The following CAMTA1 variants were observed in gnomAD, a reference collection of about 807,000 sequenced individuals.
CAMTA1 encodes the protein calmodulin-binding transcription activator 1.
Under a neutral mutation model 170.9 loss-of-function variants are expected in CAMTA1, and 27 were observed. The observed-to-expected ratio is 0.16, with a 90% CI of 0.12 to 0.22. The LOEUF (loss-of-function observed/expected upper bound fraction) is 0.22. Among genes scored for constraint, CAMTA1 ranks in the 10% least tolerant of loss-of-function variants. The pLI is 1.00. For synonymous variants in CAMTA1, 833 were observed against 891.5 expected, an observed-to-expected ratio of 0.93 and a Z score of 1.17; for missense variants, 1,619 against 2,217.2, an observed-to-expected ratio of 0.73 and a Z score of 5.42.
chr1:7,558,303 C>T (rs552480591), intron 6 of CAMTA1, among the ~76,000 whole-genome samples: 1 of 152,292 alleles, frequency 6.6e-6, no homozygotes, highest in South Asian at 2.1e-4. Context: ...CATGCTGCGG[C>T]GTCCCCCAGG....
chr1:6,873,722 T>G (rs1229829297), intron 3 of CAMTA1, among the ~76,000 whole-genome samples: 1 of 152,260 alleles, frequency 6.6e-6, no homozygotes, highest in South Asian at 2.1e-4. Context: ...TAAGATAACC[T>G]CATTTTTCTA....
Position 7,296,811 on chromosome 1 carries a change from C to T in CAMTA1, c.438+47185C>T, listed in dbSNP as rs184427490. ...TTTTGTAGTCATTAATCACGGATGA[C>T]CACCGAGAGAAAGAGTATAAAGGAG... On this transcript the variant is annotated intron_variant, in intron 5 of 22. Coordinates refer to ENST00000303635, the MANE Select transcript of CAMTA1 (RefSeq NM_015215.4). Among the ~76,000 whole-genome samples the T allele has an allele frequency of 1.7e-4, 26 of 152,130 alleles. 1 individual carries two copies. The East Asian group carries it at 4.8e-3, about 28-fold the overall frequency.
rs1007831042 is a variant in CAMTA1, at chr1:7,682,030, GCTTAGA to G, written c.2914+4306_2914+4311del. Among the ~76,000 whole-genome samples, 3 of 139,966 alleles carry G rather than the reference GCTTAGA, an allele frequency of 2.1e-5. No individual in the cohort carries two copies. The highest frequency in any genetic ancestry group is 8.1e-5 in the African/African-American group (3 of 36,878). 91.8% of individuals were successfully genotyped at this position (139,966 alleles called of 152,430 possible). On this transcript the variant is annotated intron_variant, in intron 11 of 22. Coordinates refer to ENST00000303635, the MANE Select transcript of CAMTA1 (RefSeq NM_015215.4). The surrounding 1 kb of genome is among the most constrained non-coding windows in gnomAD (Gnocchi z 5.0). ...GCCCTTCTTGGAACCCCACTAAGCC[GCTTAGA>G]CTTAGACTCTATTTTCAGTGCTTCT...
At chr1:7,045,355 C>T (rs567700802) in intron 3 of CAMTA1, among the ~76,000 whole-genome samples, 1 of 152,282 alleles carries the variant, frequency 6.6e-6, no homozygotes, top group East Asian at 1.9e-4. Flanking sequence ...CTGGCCCCCT[C>T]CTGCTGTAGT....
At chr1:7,558,539 G>C (rs985168474) in intron 6 of CAMTA1, among the ~76,000 whole-genome samples, 2 of 152,262 alleles carry the variant, frequency 1.3e-5, no homozygotes, top group Admixed American at 1.3e-4. Context: ...ACCCACTGTT[G>C]TTCCTTCCAA....
At chr1:6,911,468 C>T (rs2149271579) in intron 3 of CAMTA1, among the ~76,000 whole-genome samples, 1 of 152,370 alleles carries the variant, frequency 6.6e-6, no homozygotes, top group East Asian at 1.9e-4. Context: ...AACAAAGGCC[C>T]TGTGCAGTGT....
In CAMTA1 at chr1:7,509,942, C is replaced by T. The variant is rs2094178101; in HGVS notation, c.510+42041C>T. On this transcript the variant is annotated intron_variant, in intron 6 of 22. Coordinates refer to ENST00000303635, the MANE Select transcript of CAMTA1 (RefSeq NM_015215.4). Reference sequence around the variant, plus strand: ...CAGCCCAGCGACCAAGGGGGAAAAGCTACCCTGACTCTCAGTGACCACAAC... The same window carrying T: ...CAGCCCAGCGACCAAGGGGGAAAAGTTACCCTGACTCTCAGTGACCACAAC... 2.0e-5 allele frequency among the ~76,000 whole-genome samples: 3 copies of T among 151,670 alleles called. No individual in the cohort carries two copies. The South Asian group carries it at 6.3e-4, about 32-fold the overall frequency.
intron 1 of CAMTA1, among the ~76,000 whole-genome samples, chr1:6,791,784 A>C (rs1028396092): frequency 2.0e-5 from 3 of 152,094 alleles, no homozygotes; most frequent in African/African-American, 7.2e-5. Flanking sequence ...TTGAATACCT[A>C]ATCAGGTTCG....
chr1:7,591,493 T>C (rs1224181938), intron 6 of CAMTA1, among the ~76,000 whole-genome samples: 2 of 152,246 alleles, frequency 1.3e-5, no homozygotes, highest in African/African-American at 4.8e-5. Context: ...CTTTGCACAC[T>C]GCTCCAAGGC....
At chr1:6,939,223 A>AC (rs1685993781) in intron 3 of CAMTA1, among the ~76,000 whole-genome samples, 1 of 152,212 alleles carries the variant, frequency 6.6e-6, no homozygotes, top group Admixed American at 6.5e-5. Flanking sequence ...CAGCAGGGGA[A>AC]CTGCGGGCAA....
At chr1:7,105,347 C>G (rs929581442) in intron 4 of CAMTA1, among the ~76,000 whole-genome samples, 1 of 152,202 alleles carries the variant, frequency 6.6e-6, no homozygotes, top group Admixed American at 6.5e-5. Context: ...TACCCCCTGC[C>G]AGAAAGTTCG....
intron 3 of CAMTA1, among the ~76,000 whole-genome samples, chr1:7,077,325 C>T (rs151034299): frequency 6.6e-6 from 1 of 151,704 alleles, no homozygotes; most frequent in East Asian, 2.0e-4. Context: ...TCACACCCTC[C>T]TTTCCCACTG....
chr1:7,637,677 G>A (rs2095724220), intron 6 of CAMTA1, among the ~76,000 whole-genome samples: 1 of 152,130 alleles, frequency 6.6e-6, no homozygotes, highest in South Asian at 2.1e-4. Context: ...CCCGAACCTG[G>A]AGTCAGAGCC....
intron 1 of CAMTA1, among the ~76,000 whole-genome samples, chr1:6,793,225 A>ATG (rs973861978): frequency 2.0e-5 from 3 of 152,190 alleles, no homozygotes; most frequent in Admixed American, 6.5e-5. Flanking sequence ...TAATTTTTGG[A>ATG]TGTGTAATAT....
chr1:7,336,975 A>G (rs2083423232), intron 5 of CAMTA1, among the ~76,000 whole-genome samples: 1 of 152,202 alleles, frequency 6.6e-6, no homozygotes. Flanking sequence ...AAGAAAGAAA[A>G]TGAGGTGGCA....
intron 11 of CAMTA1, among the ~76,000 whole-genome samples, chr1:7,725,717 C>T (rs1033701675): frequency 6.6e-6 from 1 of 152,224 alleles, no homozygotes; most frequent in Non-Finnish European, 1.5e-5. Flanking sequence ...TGCCTGGGAC[C>T]TTGTTAGCAA....
chr1:7,254,515 C>G (rs1667078895), intron 5 of CAMTA1, among the ~76,000 whole-genome samples: 1 of 152,212 alleles, frequency 6.6e-6, no homozygotes, highest in Non-Finnish European at 1.5e-5. Flanking sequence ...TTTGTATTGC[C>G]TGTAAACAAC....
chr1:7,292,119 A>T (rs1673224613), intron 5 of CAMTA1, among the ~76,000 whole-genome samples: 1 of 152,184 alleles, frequency 6.6e-6, no homozygotes, highest in Non-Finnish European at 1.5e-5. Flanking sequence ...ATCAAATTGG[A>T]GATCTAAGGA....
chr1:7,454,769 G>A (rs886774779), intron 5 of CAMTA1, among the ~76,000 whole-genome samples: 1 of 152,136 alleles, frequency 6.6e-6, no homozygotes, highest in African/African-American at 2.4e-5. Context: ...AGGGTGCAGA[G>A]CTCCCTGGGG....
Sources: allele counts gnomAD v4.1 joint callset (sites outside exome capture counted in the v4.1 genomes callset), GRCh38; gene constraint gnomAD v4.1.1; non-coding constraint Gnocchi (gnomAD v3.1); transcripts MANE v1.5; gene names NCBI Gene and HGNC (gene_info 2026-07-23, HGNC 2026-07-21).